MLLT10: variants seen among roughly 807,000 people sequenced by gnomAD.
MLLT10 encodes the protein MLLT10 histone lysine methyltransferase DOT1L cofactor, also known as protein AF-10.
A neutral mutation model predicts 129.1 loss-of-function variants in MLLT10; 30 were observed. The observed-to-expected ratio is 0.23, with a 90% confidence interval of 0.17 to 0.32. MLLT10 has a LOEUF of 0.32. Among genes scored for constraint, MLLT10 ranks in the 10% least tolerant of loss-of-function variants. MLLT10 has a pLI of 1.00. For synonymous variants in MLLT10, 490 were observed against 446.4 expected (o/e 1.10, Z -1.23); for missense variants, 1,119 against 1,268.3 (o/e 0.88, Z 1.79).
intron 8 of MLLT10, among the ~76,000 whole-genome samples, chr10:21,621,900 T>C (rs896487930): frequency 1.3e-5 from 2 of 152,202 alleles, no homozygotes; most frequent in African/African-American, 4.8e-5. Flanking sequence ...ATTGTTATTT[T>C]ATATTTAATA....
intron 3 of MLLT10, among the ~76,000 whole-genome samples, chr10:21,569,122 A>C (rs2039919036): frequency 6.6e-6 from 1 of 152,156 alleles, no homozygotes; most frequent in African/African-American, 2.4e-5. Flanking sequence ...TGAATGTTCC[A>C]AATGCACTTG....
intron 8 of MLLT10, chr10:21,625,434 C>G: frequency 1.1e-6 from 1 of 907,472 alleles, no homozygotes; most frequent in Non-Finnish European, 1.8e-6. Flanking sequence ...ACAAAGAATA[C>G]TTTTACCTTA....
intron 16 of MLLT10, 128 bp downstream of exon 16, chr10:21,728,056 C>G: frequency 1.6e-6 from 1 of 629,646 alleles, no homozygotes; most frequent in Non-Finnish European, 2.7e-6. Flanking sequence ...AGAAGCATGT[C>G]TAGACAAGAA....
rs1252188841 is a variant in MLLT10 at position 21,728,493 on chromosome 10, G to T, written c.2063+565G>T. Among the ~76,000 whole-genome samples the T allele has an allele frequency of 9.8e-5, 15 of 152,286 alleles. No individual in the cohort carries two copies. The East Asian group carries it at 2.9e-3, about 29-fold the overall frequency. On this transcript the variant is annotated intron_variant, in intron 16 of 22. Transcript: ENST00000307729. ...GGTTATCAAACTGCATATTCCTTCT[G>T]TTCTAAATGGGGAGAATGTGGTATG...
intron 3 of MLLT10, among the ~76,000 whole-genome samples, chr10:21,541,964 G>A (rs182164210): frequency 6.6e-6 from 1 of 152,238 alleles, no homozygotes; most frequent in Admixed American, 6.5e-5. Context: ...TCTTTATAGC[G>A]TTACTCTTTG....
At chr10:21,614,977 G>A in intron 7 of MLLT10, 53 bp downstream of exon 7, 1 of 1,389,594 alleles carries the variant, frequency 7.2e-7, no homozygotes, top group Non-Finnish European at 1.0e-6. Context: ...TTTGACAATA[G>A]AATGACACTG....
At chr10:21,535,866 T>C (rs971344450) in intron 2 of MLLT10, among the ~76,000 whole-genome samples, 3 of 152,278 alleles carry the variant, frequency 2.0e-5, no homozygotes, top group South Asian at 2.1e-4. Flanking sequence ...AGGGAGACTT[T>C]AGAAGCAGTG....
At chr10:21,737,484 C>G (rs931756183) in intron 21 of MLLT10, among the ~76,000 whole-genome samples, 1 of 152,008 alleles carries the variant, frequency 6.6e-6, no homozygotes, top group South Asian at 2.1e-4. Flanking sequence ...GAGATGAGAA[C>G]GGTATTTCAC....
At chr10:21,687,850 T>C (rs926419678) in intron 13 of MLLT10, among the ~76,000 whole-genome samples, 2 of 152,290 alleles carry the variant, frequency 1.3e-5, no homozygotes, top group East Asian at 1.9e-4. Context: ...ACAGAACACA[T>C]GATGAAATAG....
At chr10:21,694,246 A>G (rs1164859755) in intron 13 of MLLT10, among the ~76,000 whole-genome samples, 1 of 152,206 alleles carries the variant, frequency 6.6e-6, no homozygotes, top group African/African-American at 2.4e-5. Flanking sequence ...CTATATTACT[A>G]CCATCTAGTT....
chr10:21,569,393 G>A (rs577520876), intron 3 of MLLT10, among the ~76,000 whole-genome samples: 1 of 150,912 alleles, frequency 6.6e-6, no homozygotes, highest in Non-Finnish European at 1.5e-5. Context: ...CAGTAGCTGG[G>A]TCTACAGGCA....
chr10:21,601,092 C>T (rs556622693), intron 5 of MLLT10, among the ~76,000 whole-genome samples: 2 of 152,126 alleles, frequency 1.3e-5, no homozygotes, highest in African/African-American at 4.8e-5. Context: ...TACAGGCATG[C>T]ACCATCATGT....
intron 9 of MLLT10, among the ~76,000 whole-genome samples, chr10:21,664,364 A>C (rs867402360): frequency 1.9e-4 from 27 of 145,686 alleles, no homozygotes; most frequent in South Asian, 6.5e-4. Context: ...TCTGTCCTGG[A>C]GTGCAGTGGC....
intron 3 of MLLT10, among the ~76,000 whole-genome samples, chr10:21,583,881 T>C (rs1032919447): frequency 6.6e-6 from 1 of 152,152 alleles, no homozygotes; most frequent in Non-Finnish European, 1.5e-5. Flanking sequence ...AATTTTTTTT[T>C]TTTTTTGAGA....
Position 21,588,665 on chromosome 10 carries a change from C to T in MLLT10, c.295+2317C>T, listed in dbSNP as rs553827843. 6.6e-5 allele frequency among the ~76,000 whole-genome samples: 10 copies of T among 152,150 alleles called. No homozygotes were observed. The South Asian group carries it at 1.9e-3, about 28-fold the overall frequency. On this transcript the variant is annotated intron_variant, in intron 4 of 22. Coordinates refer to ENST00000307729, the MANE Select transcript of MLLT10 (RefSeq NM_001195626.3). ...CCAATATATGAATAAAAAAGCTGTT[C>T]TACATACCTTTGGTAATCTAACAGG...
At chr10:21,719,130 A>G (rs564132439) in intron 14 of MLLT10, among the ~76,000 whole-genome samples, 58 of 152,316 alleles carry the variant, frequency 3.8e-4, no homozygotes, top group African/African-American at 1.1e-3. Flanking sequence ...ATGATTATGT[A>G]TGTGTGTGTT....
At chr10:21,639,136 C>G (rs1267061429) in intron 8 of MLLT10, among the ~76,000 whole-genome samples, 1 of 152,168 alleles carries the variant, frequency 6.6e-6, no homozygotes, top group Non-Finnish European at 1.5e-5. Flanking sequence ...CTGTCAAGAA[C>G]TATGAAAGAG....
intron 4 of MLLT10, among the ~76,000 whole-genome samples, chr10:21,594,428 A>T (rs2042822236): frequency 6.6e-6 from 1 of 151,940 alleles, no homozygotes; most frequent in Admixed American, 6.6e-5. Flanking sequence ...GCATGCCTGT[A>T]ATCCCAGCTA....
intron 6 of MLLT10, among the ~76,000 whole-genome samples, chr10:21,614,320 G>A (rs554489391): frequency 1.3e-5 from 2 of 149,534 alleles, no homozygotes; most frequent in East Asian, 2.0e-4. Flanking sequence ...TGTTTATCTC[G>A]CTTATTGTGC....
Sources: allele counts gnomAD v4.1 joint callset (sites outside exome capture counted in the v4.1 genomes callset), GRCh38; gene constraint gnomAD v4.1.1; transcripts MANE v1.5; gene names NCBI Gene and HGNC (gene_info 2026-07-23, HGNC 2026-07-21).